The following SRI variants were observed in gnomAD, a reference collection of about 807,000 sequenced individuals.
SRI encodes the protein 22 kDa protein.
In SRI, 30 loss-of-function variants were observed where a neutral mutation model predicts 33.3. The observed-to-expected ratio is 0.90, with a 90% confidence interval of 0.67 to 1.22. The LOEUF is 1.22. Among genes scored for constraint, SRI ranks in the 50% most tolerant of loss-of-function variants. The pLI is 0.00. For synonymous variants in SRI, 75 were observed against 89.9 expected (o/e 0.83, Z 0.94); for missense variants, 243 against 250.8 (o/e 0.97, Z 0.21).
chr7:88,211,165 T>C lies in SRI; in HGVS notation c.206-240A>G, dbSNP rs1173923410. 2.6e-5 allele frequency among the ~76,000 whole-genome samples: 4 copies of C among 152,316 alleles called. No homozygotes were observed. In the East Asian group the frequency reaches 7.7e-4, roughly 29 times the overall value. On this transcript the variant is annotated intron_variant, in intron 3 of 7. Coordinates refer to ENST00000265729, the MANE Select transcript of SRI (RefSeq NM_003130.4). ...TGACAGAATTCCTTTTAAAAAGTAT[T>C]ACATAGTCCGGGTATGGTGGCTCAC... is the stretch of plus-strand genomic sequence containing the variant.
At chr7:88,216,119 A>G (rs1851705658) in intron 3 of SRI, among the ~76,000 whole-genome samples, 1 of 152,168 alleles carries the variant, frequency 6.6e-6, no homozygotes, top group Non-Finnish European at 1.5e-5. Flanking sequence ...CTGGGACCAC[A>G]GGTGCATGCC....
upstream of SRI, among the ~76,000 whole-genome samples, chr7:88,220,568 T>C (rs925985673): frequency 6.6e-6 from 1 of 152,164 alleles, no homozygotes; most frequent in African/African-American, 2.4e-5. Flanking sequence ...AGAATTAACT[T>C]GACGAACTGT....
chr7:88,217,230 G>A, intron 2 of SRI, 39 bp from the exon 3 acceptor site: 1 of 1,518,086 alleles, frequency 6.6e-7, no homozygotes, highest in Non-Finnish European at 9.1e-7. Flanking sequence ...ATAGTGATTT[G>A]TACTTTCAAG....
rs747540396 is a variant in SRI at position 88,206,535 on chromosome 7, C to T, written c.571-31G>A. 5.6e-5 allele frequency: 90 copies of T among 1,613,188 alleles called. 1 individual carries two copies. In the East Asian group the frequency reaches 1.9e-3, roughly 34 times the overall value. ...AGAAAAATCAGCATTATATGACAGACCTCAAAGCACTTATACGGCACAGCC... is the reference window on the plus strand; with the variant it reads ...AGAAAAATCAGCATTATATGACAGATCTCAAAGCACTTATACGGCACAGCC... On this transcript the variant is annotated intron_variant, in intron 7 of 7. Transcript: ENST00000265729.
chr7:88,208,727 A>G, intron 6 of SRI, 162 bp from the exon 7 acceptor site: 2 of 1,034,084 alleles, frequency 1.9e-6, no homozygotes, highest in Non-Finnish European at 2.8e-6. Context: ...AACTATATGA[A>G]TAGTAAAAGA....
upstream of SRI, among the ~76,000 whole-genome samples, chr7:88,221,912 C>A (rs1026355137): frequency 2.7e-5 from 4 of 148,698 alleles, no homozygotes; most frequent in African/African-American, 9.9e-5. Context: ...TCGTTCAGTT[C>A]CCACCTATGA....
At chr7:88,226,731 T>C (rs1438876530) in intron 1 of SRI, among the ~76,000 whole-genome samples, 1 of 152,206 alleles carries the variant, frequency 6.6e-6, no homozygotes, top group Non-Finnish European at 1.5e-5. Context: ...CTCTTTTCCA[T>C]AGCTGGGAAA....
intron 3 of SRI, among the ~76,000 whole-genome samples, chr7:88,215,095 C>T (rs1379358016): frequency 2.0e-5 from 3 of 152,188 alleles, no homozygotes; most frequent in Admixed American, 6.5e-5. Flanking sequence ...TCATCCAATT[C>T]GGACCTGTGC....
intron 3 of SRI, among the ~76,000 whole-genome samples, chr7:88,211,365 G>C (rs1277079313): frequency 1.3e-5 from 2 of 152,092 alleles, no homozygotes; most frequent in Non-Finnish European, 2.9e-5. Context: ...TGAGGCAGGA[G>C]AATTGCTTGC....
At chr7:88,212,677 T>A (rs192415860) in intron 3 of SRI, among the ~76,000 whole-genome samples, 95 of 152,318 alleles carry the variant, frequency 6.2e-4, no homozygotes, top group African/African-American at 2.1e-3. Flanking sequence ...GCCCTTACCC[T>A]ACACCAATAA....
At position 88,209,340 on chromosome 7, in the gene SRI, T is replaced by C. The variant is rs1851510900; in HGVS notation, c.510A>G (p.Thr170=). The C allele has an allele frequency of 6.2e-7, 1 of 1,613,020 alleles. No individual in the cohort carries two copies. The part of the protein sequence containing the change: ...IACCVKLRAL[T]DSFRRRDTAQ... ...ATGACACGACCTTATAGAACTCACC[T>C]GTAAGAGCCCTCAGTTTGACGCAGC... Residue 170 remains threonine (T), a splice_region_variant and synonymous_variant, in exon 6 of 8, where the codon ACA becomes ACG. Transcript: ENST00000265729.
chr7:88,224,353 C>CT, upstream of SRI, among the ~76,000 whole-genome samples: 2 of 152,342 alleles, frequency 1.3e-5, no homozygotes, highest in East Asian at 3.9e-4. Flanking sequence ...GAAATAGTGT[C>CT]TAACTAAGTA....
chr7:88,219,548 G>T (rs546546652), intron 1 of SRI: 2,011 of 169,208 alleles, frequency 0.012, 18 homozygotes, highest in East Asian at 0.048. Flanking sequence ...TTTTTTGTTT[G>T]TTTGTTTGTT....
chr7:88,226,303 G>C (rs28440782), intron 1 of SRI, among the ~76,000 whole-genome samples: 246 of 152,226 alleles, frequency 1.6e-3, no homozygotes, highest in African/African-American at 5.9e-3. Flanking sequence ...TCCTGGAGCC[G>C]GGGTAGAGCA....
chr7:88,210,808 A>G, intron 4 of SRI, 74 bp downstream of exon 4: 1 of 1,359,474 alleles, frequency 7.4e-7, no homozygotes, highest in Non-Finnish European at 1.0e-6. Context: ...TGTTTACTAG[A>G]TATTAATTCT....
At chr7:88,211,447 T>G (rs1851577187) in intron 3 of SRI, among the ~76,000 whole-genome samples, 1 of 151,614 alleles carries the variant, frequency 6.6e-6, no homozygotes, top group Admixed American at 6.6e-5. Flanking sequence ...AGGGCAAGAC[T>G]CCATCTCAAA....
chr7:88,217,214 AT>A (rs1851749209), intron 2 of SRI, 23 bp from the exon 3 acceptor site: 1 of 1,594,782 alleles, frequency 6.3e-7, no homozygotes, highest in African/African-American at 1.3e-5. Flanking sequence ...AATTAGAGGA[AT>A]CATAATAGTG....
chr7:88,214,791 T>G, intron 3 of SRI: 1 of 1,004,106 alleles, frequency 1.0e-6, no homozygotes, highest in Non-Finnish European at 1.2e-6. Flanking sequence ...CTGCTGTAAT[T>G]TACCTTTACT....
In SRI at chr7:88,209,634, C is replaced by T. The variant is rs1462519195; in HGVS notation, c.398-182G>A. On this transcript the variant is annotated intron_variant, in intron 5 of 7. Coordinates refer to ENST00000265729, the MANE Select transcript of SRI (RefSeq NM_003130.4). ...AATTATTTATTTATTTATTTATTTA[C>T]GAGAGGGAGTCTCACTCTCGCCCAG... Among the ~76,000 whole-genome samples, 7 of 151,990 alleles carry T rather than the reference C, an allele frequency of 4.6e-5. No individual in the cohort carries two copies. The East Asian group carries it at 7.7e-4, about 17-fold the overall frequency.
Sources: gnomAD v4.1 joint callset for allele counts (sites outside exome capture counted in the v4.1 genomes callset) on GRCh38, gnomAD v4.1.1 for gene constraint, MANE v1.5 for transcripts, NCBI Gene and HGNC (gene_info 2026-07-23, HGNC 2026-07-21) for gene names.